SYMPK: variants seen among roughly 807,000 people sequenced by gnomAD.
SYMPK encodes the protein symplekin.
In SYMPK, 49 loss-of-function variants were observed where a neutral mutation model predicts 136.4. The ratio of observed to expected loss-of-function variants is 0.36; its 90% CI spans 0.29 to 0.46. The LOEUF is 0.46. Among genes scored for constraint, SYMPK ranks in the 20% least tolerant of loss-of-function variants. SYMPK has a pLI of 1.00. For synonymous variants in SYMPK, 766 were observed against 713.0 expected (o/e 1.07, Z -1.19); for missense variants, 1,365 against 1,690.0 (o/e 0.81, Z 3.37).
At chr19:45,817,095 A>T (rs1055078166) in intron 23 of SYMPK, 121 bp from the exon 24 acceptor site, 32 of 1,069,662 alleles carry the variant, frequency 3.0e-5, no homozygotes, top group Non-Finnish European at 4.0e-5. Context: ...ATTCCTCTGG[A>T]TGGGCAACAA....
chr19:45,835,019 A>G (rs1404218844), intron 11 of SYMPK, 59 bp downstream of exon 11: 32 of 1,431,234 alleles, frequency 2.2e-5, no homozygotes, highest in Non-Finnish European at 3.0e-5. Context: ...TCCAGTAAGG[A>G]GAACCCAGAA....
rs1469816006 is a variant in SYMPK at position 45,818,051 on chromosome 19, G to A, written c.2989C>T (p.Leu997=). ...GACTGGATGACGGTCCTCATGAGCAGCATGGGCAGGGGGCTCTGCTCCATC... is the reference window on the plus strand; with the variant it reads ...GACTGGATGACGGTCCTCATGAGCAACATGGGCAGGGGGCTCTGCTCCATC... ...QLMEQSPLPM[L]LMRTVIQSLT... The change falls in exon 23 of 27, where the codon CTG becomes TTG. Residue 997 remains leucine (L), a synonymous_variant. Transcript: ENST00000245934. 1 of 1,568,748 alleles carries A rather than the reference G, an allele frequency of 6.4e-7. No individual in the cohort carries two copies. The highest frequency in any genetic ancestry group is 1.9e-5 in the Admixed American group (1 of 53,032).
chr19:45,852,173 G>T, intron 5 of SYMPK, 139 bp downstream of exon 5: 1 of 839,692 alleles, frequency 1.2e-6, no homozygotes, highest in Non-Finnish European at 2.0e-6. Flanking sequence ...GTATTTGCTG[G>T]GGAATCAGTG....
chr19:45,838,823 C>A (rs901843251), intron 9 of SYMPK, among the ~76,000 whole-genome samples: 17 of 152,232 alleles, frequency 1.1e-4, no homozygotes, highest in African/African-American at 3.6e-4. Flanking sequence ...AACCTCAGAT[C>A]TCCTGATCTG....
At chr19:45,829,352 GC>G (rs1279744124) in intron 13 of SYMPK, 147 bp from the exon 14 acceptor site, 1 of 619,280 alleles carries the variant, frequency 1.6e-6, no homozygotes, top group Non-Finnish European at 2.8e-6. Context: ...GGACCCTTAT[GC>G]CTAGGAAGGT....
chr19:45,852,370 G>A lies in SYMPK; in HGVS notation c.241C>T (p.Gln81Ter). The change falls in exon 5 of 27, where the codon CAA becomes TAA. Residue 81 changes from glutamine (Q) to a stop codon, truncating the protein, a stop_gained. Coordinates refer to ENST00000245934, the MANE Select transcript of SYMPK (RefSeq NM_004819.3). LOFTEE classifies it high-confidence loss of function. ...DNFLDEIIAF[Q>*]ADKSIEVRKF... is the part of the protein sequence containing the mutation. ...CGCACTTCGATTGACTTGTCTGCTTGGAATGCGATGATCTCCTGCCAATGT... is the reference window on the plus strand; with the variant it reads ...CGCACTTCGATTGACTTGTCTGCTTAGAATGCGATGATCTCCTGCCAATGT... 1 of 1,614,180 alleles carries A rather than the reference G, an allele frequency of 6.2e-7. No homozygotes were observed. The highest frequency in any genetic ancestry group is 8.5e-7 in the Non-Finnish European group (1 of 1,180,040).
chr19:45,823,771 G>T lies in SYMPK; in HGVS notation c.2595C>A (p.Asp865Glu). Residue 865 changes from aspartate to glutamate, a missense_variant, in exon 19 of 27, where the codon GAC becomes GAA. Coordinates refer to ENST00000245934, the MANE Select transcript of SYMPK (RefSeq NM_004819.3). ...GGTGGGGGTCTCCAGGGTCACCTTTGTCTGTGAGGCTGTGCAGACATCTCG... is the reference window on the plus strand; with the variant it reads ...GGTGGGGGTCTCCAGGGTCACCTTTTTCTGTGAGGCTGTGCAGACATCTCG... ...LVTRCLHSLT[D>E]KVPPSPELVK... 1 of 1,613,790 alleles carries T rather than the reference G, an allele frequency of 6.2e-7. No individual in the cohort carries two copies. Among genetic ancestry groups the T allele is most frequent in the Non-Finnish European group, 8.5e-7 (1 of 1,179,698 alleles).
At position 45,852,206 on chromosome 19, in the gene SYMPK, T is replaced by C; in HGVS notation, c.299+106A>G. ...GTGTGTATGAGAGAGAGAAAGGGTC[T>C]GGGAAGCAGAGGGCAGGCCTCTCAG... is the stretch of plus-strand genomic sequence containing the variant. On this transcript the variant is annotated intron_variant, in intron 5 of 26. Coordinates refer to ENST00000245934, the MANE Select transcript of SYMPK (RefSeq NM_004819.3). The C allele has an allele frequency of 3.5e-6, 4 of 1,149,230 alleles. No homozygotes were observed. The Admixed American group carries it at 6.8e-5, about 20-fold the overall frequency. The allele number at this position is 1,149,230 out of a possible 1,614,324, so 71.2% of individuals were successfully genotyped here.
At chr19:45,842,621 T>G in intron 8 of SYMPK, 132 bp from the exon 9 acceptor site, 1 of 1,304,126 alleles carries the variant, frequency 7.7e-7, no homozygotes, top group Non-Finnish European at 1.0e-6. Context: ...CCCTCAGATC[T>G]AACGTGTGGC....
At chr19:45,815,788 C>A in intron 26 of SYMPK, 63 bp downstream of exon 26, 1 of 1,589,254 alleles carries the variant, frequency 6.3e-7, no homozygotes, top group Non-Finnish European at 8.6e-7. Context: ...GGCCCCTCCT[C>A]CCCCACCTTC....
At chr19:45,854,660 G>C (rs1016413939) in intron 1 of SYMPK, 153 bp from the exon 2 acceptor site, 9 of 638,512 alleles carry the variant, frequency 1.4e-5, no homozygotes, top group Admixed American at 7.2e-5. Flanking sequence ...TCCCCTCCAG[G>C]GTCTGTCTCT....
intron 10 of SYMPK, 33 bp downstream of exon 10, chr19:45,838,428 C>T (rs773465766): frequency 6.3e-7 from 1 of 1,595,438 alleles, no homozygotes; most frequent in South Asian, 1.1e-5. Flanking sequence ...TTCCTTCCTG[C>T]CCAGGGGGAA....
rs1188346657 is a variant in SYMPK, at chr19:45,826,316, C to T, written c.2239G>A (p.Glu747Lys). The T allele has an allele frequency of 4.3e-6, 7 of 1,614,148 alleles. No individual in the cohort carries two copies. Among genetic ancestry groups the T allele is most frequent in the East Asian group, 2.2e-5 (1 of 44,892 alleles). ...KRMYEKEQLR[E>K]YVEKFALNYL... is the part of the protein sequence containing the mutation. ...TTGAGGGCAAATTTCTCCACATACT[C>T]CCGCAGCTGCTCCTTCTCATACATG... The change falls in exon 17 of 27, where the codon GAG (glutamate) becomes AAG (lysine). Residue 747 changes from glutamate (E) to lysine (K), a missense_variant. Glu to Lys is a moderately conservative substitution (Grantham distance 56, BLOSUM62 1). Transcript: ENST00000245934.
intron 4 of SYMPK, 40 bp downstream of exon 4, chr19:45,852,442 C>T: frequency 1.9e-6 from 3 of 1,614,152 alleles, no homozygotes; most frequent in Non-Finnish European, 2.5e-6. Context: ...CATCCCCTTT[C>T]CCCTACACCA....
Position 45,858,907 on chromosome 19 carries a change from A to G in SYMPK, c.-13+4151T>C, listed in dbSNP as rs115693096. ...TATCATCATCACACACTACATATTT[A>G]TAAGTTCCACGAGGACAGTGATTTA... On this transcript the variant is annotated intron_variant, in intron 1 of 26. Coordinates refer to ENST00000245934, the MANE Select transcript of SYMPK (RefSeq NM_004819.3). 5.9e-3 allele frequency among the ~76,000 whole-genome samples: 886 copies of G among 150,362 alleles called. 10 individuals are homozygous for G. The highest frequency in any genetic ancestry group is 0.019 in the African/African-American group (788 of 40,580).
intron 11 of SYMPK, among the ~76,000 whole-genome samples, 178 bp from the exon 12 acceptor site, chr19:45,831,766 G>A (rs1354559539): frequency 1.3e-5 from 2 of 152,156 alleles, no homozygotes; most frequent in Non-Finnish European, 2.9e-5. Flanking sequence ...TACAACTGAG[G>A]CTCAAACTAG....
intron 3 of SYMPK, among the ~76,000 whole-genome samples, chr19:45,853,749 A>G (rs11665742): frequency 0.14 from 21,721 of 151,878 alleles, 1,632 homozygotes; most frequent in South Asian, 0.18. Flanking sequence ...CTGGGCTCCC[A>G]GAGCCCCCCT....
intron 21 of SYMPK, among the ~76,000 whole-genome samples, chr19:45,822,340 G>A (rs868052916): frequency 6.6e-6 from 1 of 152,000 alleles, no homozygotes; most frequent in East Asian, 1.9e-4. Context: ...GGATGGTCTC[G>A]ATCTCCTGAC....
At chr19:45,840,470 C>A (rs1971408650) in intron 9 of SYMPK, among the ~76,000 whole-genome samples, 1 of 151,956 alleles carries the variant, frequency 6.6e-6, no homozygotes. Flanking sequence ...TCAAGACCAG[C>A]CTGACCAACA....
Sources: allele counts gnomAD v4.1 joint callset (sites outside exome capture counted in the v4.1 genomes callset), GRCh38; gene constraint gnomAD v4.1.1; transcripts MANE v1.5; gene names NCBI Gene and HGNC (gene_info 2026-07-23, HGNC 2026-07-21).